The following MYO15A variants were observed in gnomAD, a reference collection of about 807,000 sequenced individuals.
MYO15A encodes unconventional myosin-XV.
MYO15A carries 308 observed loss-of-function variants against 394.6 expected under a neutral mutation model. The ratio of observed to expected loss-of-function variants is 0.78; its 90% CI spans 0.71 to 0.86. The LOEUF is 0.86. MYO15A is among the 40% of genes least tolerant of loss of function. The pLI is 0.00. For missense variants in MYO15A, 4,606 were observed against 4,799.1 expected (o/e 0.96, Z 1.19); for synonymous variants, 1,957 against 2,003.8 (o/e 0.98, Z 0.62).
In MYO15A at chr17:18,122,415, G is replaced by A; in HGVS notation, c.3609+6G>A. ...CGCCAAGCTGGCGGAACAAGGTATG[G>A]AGGCACAGATTACACGGAGGGTTTG... On this transcript the variant is annotated splice_donor_region_variant and intron_variant, in intron 2 of 65. Coordinates refer to ENST00000647165, the MANE Select transcript of MYO15A (RefSeq NM_016239.4). 6.2e-7 allele frequency: 1 copy of A among 1,611,462 alleles called. No individual in the cohort carries two copies. The highest frequency in any genetic ancestry group is 8.5e-7 in the Non-Finnish European group (1 of 1,179,446).
Position 18,119,037 on chromosome 17 carries a change from G to T in MYO15A, c.237G>T (p.Val79=). 3 of 1,612,562 alleles carry T rather than the reference G, an allele frequency of 1.9e-6. No individual in the cohort carries two copies. Among genetic ancestry groups the T allele is most frequent in the Non-Finnish European group, 2.5e-6 (3 of 1,179,884 alleles). Residue 79 remains valine, a synonymous_variant, in exon 2 of 66, where the codon GTG becomes GTT. Transcript: ENST00000647165. The part of the protein sequence containing the change: ...KTKRKRKART[V]LKSTSKLMTQ... The stretch of plus-strand genomic sequence containing the variant: ...AGCGCAAGAGGAAGGCCCGCACCGT[G>T]CTCAAGTCCACGTCAAAGCTCATGA...
At chr17:18,159,249 C>G (rs555732957) in intron 53 of MYO15A, 26 bp from the exon 54 acceptor site, 1 of 1,612,786 alleles carries the variant, frequency 6.2e-7, no homozygotes. Context: ...CCTCCTCCAT[C>G]ATGACACAGC....
intron 5 of MYO15A, 46 bp downstream of exon 5, chr17:18,126,502 T>C: frequency 6.4e-7 from 1 of 1,558,102 alleles, no homozygotes. Flanking sequence ...GGGCCCCTCT[T>C]TCCCCTGCTC....
chr17:18,153,702 A>AAT lies in MYO15A; in HGVS notation c.7967-60_7967-59dup, dbSNP rs748830633. On this transcript the variant is annotated intron_variant, in intron 42 of 65. Coordinates refer to ENST00000647165, the MANE Select transcript of MYO15A (RefSeq NM_016239.4). This position sits in a 1 kb window ranked among gnomAD's most constrained non-coding sequence, Gnocchi z 4.1. ...GACAACAGCGAAACTCCGTCTCAAA[A>AAT]ATATATATATATATTAATTAAATAA... The AAT allele has an allele frequency of 4.2e-4, 536 of 1,284,298 alleles. No individual in the cohort carries two copies. Among genetic ancestry groups the AAT allele is most frequent in the East Asian group, 7.2e-4 (21 of 29,316 alleles). 79.6% of individuals were successfully genotyped at this position (1,284,298 alleles called of 1,614,324 possible). A position where few individuals can be genotyped will look rare whatever the true frequency, so the allele number is the denominator to read the frequency against.
Position 18,166,532 on chromosome 17 carries a change from G to A in MYO15A, c.9948+11G>A, listed in dbSNP as rs200712715. Reference sequence around the variant, plus strand: ...ATGCACTACAACCAGGTCAGCACACGTAGGCTTCTCTGGACTCTGGGACCT... The same window carrying A: ...ATGCACTACAACCAGGTCAGCACACATAGGCTTCTCTGGACTCTGGGACCT... On this transcript the variant is annotated intron_variant, in intron 61 of 65. Transcript: ENST00000647165. The A allele has an allele frequency of 1.0e-4, 164 of 1,611,444 alleles. No homozygotes were observed. The highest frequency in any genetic ancestry group is 4.9e-4 in the Middle Eastern group (3 of 6,084).
Position 18,148,792 on chromosome 17 carries a change from G to A in MYO15A, c.6796G>A (p.Val2266Met), listed in dbSNP as rs114274755. 4.2e-3 allele frequency: 6,672 copies of A among 1,603,676 alleles called. 35 individuals carry two copies. The highest frequency in any genetic ancestry group is 0.019 in the African/African-American group (1,397 of 74,808). The change falls in exon 33 of 66, where the codon GTG (valine) becomes ATG (methionine). Residue 2266 changes from valine to methionine, a missense_variant. This residue lies in a region of MYO15A where 2,776 missense variants were observed against 3,109.3 expected (regional missense o/e 0.89). Transcript: ENST00000647165. The surrounding 1 kb of genome is among the most constrained non-coding windows in gnomAD (Gnocchi z 4.8). ...GLADGWRGWTVAMKNGVQWAE... is the reference protein window; with the variant it reads ...GLADGWRGWTMAMKNGVQWAE... ...GGCAGATGGCTGGCGCGGCTGGACC[G>A]TGGCCATGAAGAATGGTGTCCAGTG...
At chr17:18,149,691 G>T in intron 35 of MYO15A, 111 bp downstream of exon 35, 1 of 1,126,814 alleles carries the variant, frequency 8.9e-7, no homozygotes, top group African/African-American at 1.5e-5. Context: ...GGGTCATGGG[G>T]TGGTGTGTCC....
At chr17:18,156,909 G>C (rs760288000) in intron 48 of MYO15A, 45 bp from the exon 49 acceptor site, 4 of 1,533,800 alleles carry the variant, frequency 2.6e-6, no homozygotes, top group Non-Finnish European at 2.7e-6. Context: ...CTCTGGGAGT[G>C]GGGTGATAGG....
Position 18,150,909 on chromosome 17 carries a change from C to T in MYO15A, c.7469C>T (p.Ala2490Val). ...AGTGCTGCCCTGAGATCCTTGCCCG[C>T]AGAGGTGAGCCTGGCCTGCCCAGGG... is the stretch of plus-strand genomic sequence containing the variant. ...PLSAALRSLP[A>V]EKPPAPEAQP... Residue 2490 changes from alanine (A) to valine (V), a missense_variant, in exon 38 of 66, where the codon GCA (alanine) becomes GTA (valine). Coordinates refer to ENST00000647165, the MANE Select transcript of MYO15A (RefSeq NM_016239.4). This position sits in a 1 kb window ranked among gnomAD's most constrained non-coding sequence, Gnocchi z 4.4. 6.2e-7 allele frequency: 1 copy of T among 1,602,454 alleles called. No individual in the cohort carries two copies. Among genetic ancestry groups the T allele is most frequent in the Non-Finnish European group, 8.5e-7 (1 of 1,174,868 alleles).
At chr17:18,133,737 A>C (rs1597781904) in intron 12 of MYO15A, among the ~76,000 whole-genome samples, 2 of 151,406 alleles carry the variant, frequency 1.3e-5, no homozygotes, top group South Asian at 4.2e-4. Context: ...GCTCACTGCA[A>C]CCACCGCCTC....
In MYO15A at chr17:18,161,354, G is replaced by A. The variant is rs1414395424; in HGVS notation, c.9424G>A (p.Val3142Met). ...GCGAGGCTGGAGGCTGCTGTATATCGTGACCGCCTACCACAGCTGCTCTGA... is the reference window on the plus strand; with the variant it reads ...GCGAGGCTGGAGGCTGCTGTATATCATGACCGCCTACCACAGCTGCTCTGA... The part of the protein sequence containing the change: ...CQRGWRLLYI[V>M]TAYHSCSEVL... The change falls in exon 57 of 66, where the codon GTG becomes ATG. Residue 3142 changes from valine to methionine, a missense_variant. This residue lies in a region of MYO15A where 2,776 missense variants were observed against 3,109.3 expected (regional missense o/e 0.89). Coordinates refer to ENST00000647165, the MANE Select transcript of MYO15A (RefSeq NM_016239.4). 1.9e-5 allele frequency: 30 copies of A among 1,613,908 alleles called. No individual in the cohort carries two copies. The highest frequency in any genetic ancestry group is 2.2e-5 in the South Asian group (2 of 91,082).
rs769596933 is a variant in MYO15A at position 18,142,797 on chromosome 17, G to C, written c.5867G>C (p.Arg1956Pro). 1.1e-5 allele frequency: 17 copies of C among 1,613,508 alleles called. No homozygotes were observed. The South Asian group carries it at 1.9e-4, about 18-fold the overall frequency. Residue 1956 changes from arginine (R) to proline (P), a missense_variant, in exon 25 of 66, where the codon CGG becomes CCG. This residue lies in a region of MYO15A where 2,776 missense variants were observed against 3,109.3 expected (regional missense o/e 0.89). Coordinates refer to ENST00000647165, the MANE Select transcript of MYO15A (RefSeq NM_016239.4). ...QQMRRSLVKF[R>P]SLVHAYVSRR... ...ATGAGGAGGAGTCTGGTGAAGTTCCGGTCCCTGGTACACGCATACGTGAGC... is the reference window on the plus strand; with the variant it reads ...ATGAGGAGGAGTCTGGTGAAGTTCCCGTCCCTGGTACACGCATACGTGAGC...
intron 65 of MYO15A, among the ~76,000 whole-genome samples, chr17:18,174,693 G>A (rs910088337): frequency 5.9e-5 from 9 of 152,170 alleles, no homozygotes; most frequent in African/African-American, 1.9e-4. Flanking sequence ...CAGGACTAGC[G>A]TTTTCACCCC....
At chr17:18,143,647 G>C in intron 26 of MYO15A, 28 bp downstream of exon 26, 1 of 1,568,214 alleles carries the variant, frequency 6.4e-7, no homozygotes. Context: ...TGGCAGCAGG[G>C]CCAAGGAGGG....
At chr17:18,172,408 T>C (rs755350968) in intron 64 of MYO15A, 118 bp downstream of exon 64, 14 of 1,435,744 alleles carry the variant, frequency 9.8e-6, no homozygotes, top group Non-Finnish European at 1.4e-5. Context: ...ACCACCTTCA[T>C]GATCTCAGGC....
Position 18,117,990 on chromosome 17 carries a change from G to A in MYO15A, c.-219-592G>A, listed in dbSNP as rs538577008. Reference sequence around the variant, plus strand: ...GGACTTTCCTGGACCCACACAGCCAGTCAGTGACAGAGCCTAGGGTCTGAG... The same window carrying A: ...GGACTTTCCTGGACCCACACAGCCAATCAGTGACAGAGCCTAGGGTCTGAG... On this transcript the variant is annotated intron_variant, in intron 1 of 65. Transcript: ENST00000647165. The surrounding 1 kb of genome is among the most constrained non-coding windows in gnomAD (Gnocchi z 4.1). Among the ~76,000 whole-genome samples, 166 of 152,288 alleles carry A rather than the reference G, an allele frequency of 1.1e-3. No homozygotes were observed. Among genetic ancestry groups the A allele is most frequent in the Middle Eastern group, 3.4e-3 (1 of 294 alleles).
rs1196580960 is a variant in MYO15A at position 18,139,552 on chromosome 17, A to G, written c.5152A>G (p.Lys1718Glu). The G allele has an allele frequency of 1.2e-6, 2 of 1,614,100 alleles. No homozygotes were observed. The highest frequency in any genetic ancestry group is 1.7e-5 in the Admixed American group (1 of 60,024). Reference sequence around the variant, plus strand: ...TTTTCAGGTGCACAAGTTCCTGGACAAGAACCACGACCAAGTGCGCCAGGA... The same window carrying G: ...TTTTCAGGTGCACAAGTTCCTGGACGAGAACCACGACCAAGTGCGCCAGGA... Reference protein sequence around the residue: ...VTYQVHKFLDKNHDQVRQDVL... With the variant: ...VTYQVHKFLDENHDQVRQDVL... The change falls in exon 19 of 66, where the codon AAG (lysine) becomes GAG (glutamate). Residue 1718 changes from lysine to glutamate, a missense_variant. Physicochemically the swap from Lys to Glu is moderately conservative, Grantham distance 56. Around this residue, in one of 2 missense-constraint regions of MYO15A, gnomAD observed 2,776 missense variants for 3,109.3 expected, o/e 0.89. Transcript: ENST00000647165.
chr17:18,153,961 AGAG>A lies in MYO15A; in HGVS notation c.8088+70_8088+72del. The A allele has an allele frequency of 1.2e-6, 2 of 1,611,014 alleles. No individual in the cohort carries two copies. Among genetic ancestry groups the A allele is most frequent in the Non-Finnish European group, 1.7e-6 (2 of 1,178,624 alleles). ...GGGCAGGGGAGGGGCTGAAGCGAGC[AGAG>A]GAGGGTCTAGGACTTGGGGAGGGAG... On this transcript the variant is annotated intron_variant, in intron 43 of 65. Transcript: ENST00000647165. The surrounding 1 kb of genome is among the most constrained non-coding windows in gnomAD (Gnocchi z 4.1).
chr17:18,134,746 AG>A (rs541324806), intron 12 of MYO15A, among the ~76,000 whole-genome samples: 3 of 152,262 alleles, frequency 2.0e-5, no homozygotes, highest in Non-Finnish European at 4.4e-5. Flanking sequence ...TAAAAAAGAA[AG>A]AAAAATACAT....
Sources: allele counts gnomAD v4.1 joint callset (sites outside exome capture counted in the v4.1 genomes callset), GRCh38; gene constraint gnomAD v4.1.1; regional missense constraint gnomAD v4.1.1; non-coding constraint Gnocchi (gnomAD v3.1); transcripts MANE v1.5; gene names NCBI Gene and HGNC (gene_info 2026-07-23, HGNC 2026-07-21).